The following NR2F1-AS1 variants were observed in gnomAD, a reference collection of about 807,000 sequenced individuals.
NR2F1-AS1 encodes the protein NR2F1 regulatory antisense RNA 1.
chr5:93,533,898 G>A (rs1194695728), intron 4 of NR2F1-AS1, among the ~76,000 whole-genome samples: 3 of 152,102 alleles, frequency 2.0e-5, no homozygotes, highest in Non-Finnish European at 2.9e-5. Context: ...TTGGGAGGCC[G>A]AGGCAGGCAG....
At chr5:93,526,292 T>C (rs543161084) in intron 4 of NR2F1-AS1, among the ~76,000 whole-genome samples, 1 of 148,750 alleles carries the variant, frequency 6.7e-6, no homozygotes, top group South Asian at 2.1e-4. Flanking sequence ...ACCCTCCCAA[T>C]ATGAAGAAGT....
At chr5:93,456,864 G>A (rs566825275) in intron 4 of NR2F1-AS1, among the ~76,000 whole-genome samples, 2 of 152,144 alleles carry the variant, frequency 1.3e-5, no homozygotes, top group African/African-American at 2.4e-5. Flanking sequence ...GCAGGAAAAC[G>A]TGAACAAACA....
At chr5:93,444,550 T>C (rs762284828) in intron 4 of NR2F1-AS1, among the ~76,000 whole-genome samples, 4 of 152,102 alleles carry the variant, frequency 2.6e-5, no homozygotes, top group Non-Finnish European at 4.4e-5. Context: ...ATTCATAAAG[T>C]AAGTCCTTAG....
intron 4 of NR2F1-AS1, among the ~76,000 whole-genome samples, chr5:93,471,702 A>G (rs950724591): frequency 6.6e-6 from 1 of 151,886 alleles, no homozygotes; most frequent in Non-Finnish European, 1.5e-5. Flanking sequence ...TTAATGAGTG[A>G]TAGTCGTATT....
chr5:93,445,165 T>TCAAA (rs1267931998), intron 4 of NR2F1-AS1, among the ~76,000 whole-genome samples: 1 of 151,894 alleles, frequency 6.6e-6, no homozygotes, highest in East Asian at 1.9e-4. Context: ...GCAAACACAT[T>TCAAA]CAAAAGCTAG....
At chr5:93,520,075 T>C (rs763003586) in intron 4 of NR2F1-AS1, among the ~76,000 whole-genome samples, 63 of 152,218 alleles carry the variant, frequency 4.1e-4, no homozygotes, top group Non-Finnish European at 6.9e-4. Flanking sequence ...ATATAGATCC[T>C]ATTAAATTCC....
At chr5:93,427,223 A>G (rs1361254269) in intron 4 of NR2F1-AS1, among the ~76,000 whole-genome samples, 1 of 152,178 alleles carries the variant, frequency 6.6e-6, no homozygotes, top group Non-Finnish European at 1.5e-5. Flanking sequence ...ACAATTATAA[A>G]CTTTATATCG....
chr5:93,459,796 T>G (rs1750050119), intron 4 of NR2F1-AS1, among the ~76,000 whole-genome samples: 1 of 152,048 alleles, frequency 6.6e-6, no homozygotes, highest in Admixed American at 6.6e-5. Context: ...TTCAAAATCC[T>G]GGGCCTATCT....
intron 4 of NR2F1-AS1, among the ~76,000 whole-genome samples, chr5:93,521,984 A>G (rs2149895807): frequency 6.6e-6 from 1 of 152,328 alleles, no homozygotes; most frequent in South Asian, 2.1e-4. Flanking sequence ...CAAATTAAAT[A>G]AAGAAAATGT....
chr5:93,518,038 T>C (rs75939657), intron 4 of NR2F1-AS1, among the ~76,000 whole-genome samples: 2,458 of 152,170 alleles, frequency 0.016, 70 homozygotes, highest in African/African-American at 0.056. Context: ...TAAGCAATCC[T>C]CCCTCCTCAG....
At chr5:93,585,098 C>G (rs1232450430), upstream of NR2F1-AS1, 5 of 1,001,376 alleles carry the variant, frequency 5.0e-6, no homozygotes, top group South Asian at 4.4e-5. Flanking sequence ...GCCCCAACCC[C>G]GCAGCGCAGG....
intron 4 of NR2F1-AS1, chr5:93,542,136 G>C (rs1751964306): frequency 6.8e-6 from 1 of 147,812 alleles, no homozygotes; most frequent in South Asian, 2.2e-4. Flanking sequence ...AAACATACTA[G>C]ATGAAAAATG....
Position 93,471,000 on chromosome 5 carries a change from T to C in NR2F1-AS1, n.639-75458A>G, listed in dbSNP as rs78995925. On this transcript the variant is annotated intron_variant and non_coding_transcript_variant, in intron 4 of 5. Transcript: ENST00000660523. ...TGTCAAACTGGTATACTAGTTTCCA[T>C]TTATACCAAATTTTACTTTTAAACA... is the stretch of plus-strand genomic sequence containing the variant. Among the ~76,000 whole-genome samples, 479 of 151,976 alleles carry C rather than the reference T, an allele frequency of 3.2e-3. 3 individuals carry two copies. Among genetic ancestry groups the C allele is most frequent in the African/African-American group, 0.011 (453 of 41,542 alleles).
At chr5:93,477,946 G>GTGGA (rs1421523005) in intron 4 of NR2F1-AS1, among the ~76,000 whole-genome samples, 6 of 152,166 alleles carry the variant, frequency 3.9e-5, no homozygotes, top group African/African-American at 1.4e-4. Flanking sequence ...GTATTACCAT[G>GTGGA]TGGAGCCCCT....
chr5:93,500,622 T>C (rs1485506049), intron 4 of NR2F1-AS1, among the ~76,000 whole-genome samples: 1 of 152,204 alleles, frequency 6.6e-6, no homozygotes, highest in Non-Finnish European at 1.5e-5. Context: ...AGGAGTAATT[T>C]TGACTTTCAA....
intron 1 of NR2F1-AS1, among the ~76,000 whole-genome samples, chr5:93,576,764 G>T (rs1350299340): frequency 6.6e-6 from 1 of 152,098 alleles, no homozygotes; most frequent in African/African-American, 2.4e-5. Context: ...GAAGAAATAG[G>T]TGCTCTGACA....
intron 4 of NR2F1-AS1, among the ~76,000 whole-genome samples, chr5:93,426,107 G>A (rs1369031930): frequency 6.6e-6 from 1 of 151,568 alleles, no homozygotes; most frequent in Non-Finnish European, 1.5e-5. Flanking sequence ...GAGTGCAGTG[G>A]TGCCATCTTG....
intron 4 of NR2F1-AS1, among the ~76,000 whole-genome samples, chr5:93,434,727 C>T (rs189103919): frequency 6.6e-6 from 1 of 152,218 alleles, no homozygotes; most frequent in Non-Finnish European, 1.5e-5. Context: ...TTTTCTGGTC[C>T]AGAATCATCC....
chr5:93,466,359 C>A (rs916121536), intron 4 of NR2F1-AS1, among the ~76,000 whole-genome samples: 5 of 149,198 alleles, frequency 3.4e-5, no homozygotes, highest in Admixed American at 2.7e-4. Context: ...GAGACATGGT[C>A]TCGCTCTGTC....
Sources: allele counts gnomAD v4.1 joint callset (sites outside exome capture counted in the v4.1 genomes callset), GRCh38; gene constraint gnomAD v4.1.1; transcripts MANE v1.5; gene names NCBI Gene and HGNC (gene_info 2026-07-23, HGNC 2026-07-21).